SDK1: variants seen among roughly 807,000 people sequenced by gnomAD.
The protein encoded by SDK1 is protein sidekick-1.
SDK1 carries 157 observed loss-of-function variants against 245.5 expected under a neutral mutation model. The ratio of observed to expected loss-of-function variants is 0.64; its 90% CI spans 0.56 to 0.73. SDK1 has a LOEUF of 0.73. Among genes scored for constraint, SDK1 ranks in the 30% least tolerant of loss-of-function variants. SDK1 has a pLI of 0.00. For synonymous variants in SDK1, 1,647 were observed against 1,278.5 expected, an observed-to-expected ratio of 1.29 and a Z score of -6.15; for missense variants, 3,583 against 3,002.3, an observed-to-expected ratio of 1.19 and a Z score of -4.52.
At chr7:3,387,948 A>C (rs1170727095) in intron 1 of SDK1, among the ~76,000 whole-genome samples, 1 of 152,220 alleles carries the variant, frequency 6.6e-6, no homozygotes, top group South Asian at 2.1e-4. Flanking sequence ...ATAATTTGCT[A>C]TTAAGTGAGA....
intron 5 of SDK1, among the ~76,000 whole-genome samples, chr7:3,889,450 C>T (rs1016030607): frequency 1.3e-5 from 2 of 152,058 alleles, no homozygotes; most frequent in Admixed American, 6.5e-5. Flanking sequence ...TGGAATCTAC[C>T]GTGGTGGTGT....
At chr7:3,396,934 A>G (rs1355624167) in intron 1 of SDK1, among the ~76,000 whole-genome samples, 1 of 151,468 alleles carries the variant, frequency 6.6e-6, no homozygotes, top group Admixed American at 6.6e-5. Flanking sequence ...TTGTTCCTTC[A>G]TTCCTCCATG....
Position 4,079,485 on chromosome 7 carries a change from C to T in SDK1, c.3225C>T (p.Asn1075=), listed in dbSNP as rs778155444. The T allele has an allele frequency of 1.2e-6, 2 of 1,614,136 alleles. No individual in the cohort carries two copies. ...TAGACCTTCCTGGTGCCCCATCCAA[C>T]CTGGTCATTTCCAACATCAGCCCTC... ...VPPDLPGAPS[N]LVISNISPRS... is the part of the protein sequence containing the mutation. The change falls in exon 22 of 45, where the codon AAC becomes AAT. Residue 1075 remains asparagine (N), a synonymous_variant. Transcript: ENST00000404826.
chr7:4,076,896 A>G (rs1780718142), intron 20 of SDK1, 102 bp from the exon 21 acceptor site: 1 of 1,029,834 alleles, frequency 9.7e-7, no homozygotes, highest in Non-Finnish European at 1.4e-6. Context: ...ACATCCAGCC[A>G]AGCTCTCCAT....
chr7:3,906,534 T>C (rs1583543009), intron 5 of SDK1, among the ~76,000 whole-genome samples: 1 of 151,492 alleles, frequency 6.6e-6, no homozygotes, highest in Non-Finnish European at 1.5e-5. Flanking sequence ...GCTATTGTCC[T>C]GCTGGTTTCA....
chr7:3,564,638 AAAAT>A (rs1779851501), intron 1 of SDK1, among the ~76,000 whole-genome samples: 1 of 152,174 alleles, frequency 6.6e-6, no homozygotes, highest in African/African-American at 2.4e-5. Flanking sequence ...TTCTCAGAAA[AAAAT>A]ATAAAATGTA....
At chr7:3,627,437 T>G (rs1363455746) in intron 2 of SDK1, among the ~76,000 whole-genome samples, 1 of 152,200 alleles carries the variant, frequency 6.6e-6, no homozygotes, top group Non-Finnish European at 1.5e-5. Context: ...ATTGCGGTGC[T>G]GGCCTAGTCA....
chr7:3,325,103 T>A (rs1779910692), intron 1 of SDK1, among the ~76,000 whole-genome samples: 1 of 152,074 alleles, frequency 6.6e-6, no homozygotes, highest in Non-Finnish European at 1.5e-5. Flanking sequence ...TAAAGTTCTC[T>A]ACCAAACCAC....
At chr7:4,206,284 A>G (rs886732) in intron 36 of SDK1, among the ~76,000 whole-genome samples, 86,282 of 152,120 alleles carry the variant, frequency 0.57, 25,463 homozygotes, top group African/African-American at 0.71. Flanking sequence ...CTCTGGACGC[A>G]TGGCCTGGCT....
At chr7:3,398,266 T>C (rs1778779126) in intron 1 of SDK1, among the ~76,000 whole-genome samples, 1 of 152,118 alleles carries the variant, frequency 6.6e-6, no homozygotes, top group Non-Finnish European at 1.5e-5. Flanking sequence ...GCAGCTATTT[T>C]AGTTGTAATC....
chr7:3,751,483 G>A (rs192358073), intron 4 of SDK1, among the ~76,000 whole-genome samples: 65 of 152,124 alleles, frequency 4.3e-4, no homozygotes, highest in Non-Finnish European at 7.5e-4. Flanking sequence ...GGGAGGAATG[G>A]GGAGCAGGGA....
At chr7:3,361,059 CTG>C (rs1468978258) in intron 1 of SDK1, among the ~76,000 whole-genome samples, 2 of 152,182 alleles carry the variant, frequency 1.3e-5, no homozygotes, top group African/African-American at 4.8e-5. Flanking sequence ...AAGTGACAGA[CTG>C]TTGTACTTTA....
At chr7:3,924,535 T>A (rs925907418) in intron 5 of SDK1, among the ~76,000 whole-genome samples, 1 of 152,170 alleles carries the variant, frequency 6.6e-6, no homozygotes, top group Non-Finnish European at 1.5e-5. Context: ...ACAGGGAGAA[T>A]GACCGATGCT....
At chr7:3,601,946 T>C (rs1302785646) in intron 1 of SDK1, among the ~76,000 whole-genome samples, 8 of 151,652 alleles carry the variant, frequency 5.3e-5, no homozygotes, top group African/African-American at 1.9e-4. Context: ...TTTGTCCTTG[T>C]GATATTTTGC....
chr7:4,171,825 C>T (rs1288616347), intron 32 of SDK1, among the ~76,000 whole-genome samples: 1 of 152,258 alleles, frequency 6.6e-6, no homozygotes, highest in Non-Finnish European at 1.5e-5. Context: ...GGACCTGGGG[C>T]TGCAAGCCCG....
intron 38 of SDK1, among the ~76,000 whole-genome samples, chr7:4,213,432 A>G (rs902868196): frequency 6.9e-6 from 1 of 144,696 alleles, no homozygotes; most frequent in Non-Finnish European, 1.6e-5. Context: ...AAAGAAAACA[A>G]AAATTAGCTG....
rs190493129 is a variant in SDK1, at chr7:3,822,020, A to G, written c.847+437A>G. Among the ~76,000 whole-genome samples the G allele has an allele frequency of 1.3e-3, 199 of 152,332 alleles. 1 individual carries two copies. The highest frequency in any genetic ancestry group is 4.7e-3 in the African/African-American group (194 of 41,582). On this transcript the variant is annotated intron_variant, in intron 5 of 44. Coordinates refer to ENST00000404826, the MANE Select transcript of SDK1 (RefSeq NM_152744.4). ...GTTGTACGAAAATTAGCAGTATTTA[A>G]GCATAATCAGTTGATCATTTTTTCC...
At chr7:3,997,670 G>T (rs1784779515) in intron 14 of SDK1, among the ~76,000 whole-genome samples, 1 of 152,156 alleles carries the variant, frequency 6.6e-6, no homozygotes, top group South Asian at 2.1e-4. Context: ...TCAGAGGGGA[G>T]GAAGTGCATG....
At chr7:3,742,921 C>T (rs1779516109) in intron 4 of SDK1, among the ~76,000 whole-genome samples, 1 of 152,118 alleles carries the variant, frequency 6.6e-6, no homozygotes, top group African/African-American at 2.4e-5. Flanking sequence ...AAACAAATAG[C>T]AAATTGTACG....
Sources: allele counts gnomAD v4.1 joint callset (sites outside exome capture counted in the v4.1 genomes callset), GRCh38; gene constraint gnomAD v4.1.1; transcripts MANE v1.5; gene names NCBI Gene and HGNC (gene_info 2026-07-23, HGNC 2026-07-21).